SS18: variants seen among roughly 807,000 people sequenced by gnomAD.
The protein encoded by SS18 is SS18 subunit of BAF chromatin remodeling complex, also known as protein SSXT.
SS18 carries 28 observed loss-of-function variants against 72.5 expected under a neutral mutation model. That is an observed-to-expected ratio of 0.39 (90% CI 0.29 to 0.53). The LOEUF (loss-of-function observed/expected upper bound fraction) is 0.53. SS18 is among the 20% of genes least tolerant of loss of function. The probability of loss-of-function intolerance (pLI) is 0.76; values close to 1 mark genes in which losing one functional copy is unlikely to be tolerated. For synonymous variants in SS18, 172 were observed against 164.2 expected (o/e 1.05, Z -0.37); for missense variants, 518 against 535.3 (o/e 0.97, Z 0.32).
At chr18:26,082,900 A>G (rs2054551416) in intron 2 of SS18, among the ~76,000 whole-genome samples, 1 of 152,194 alleles carries the variant, frequency 6.6e-6, no homozygotes, top group Non-Finnish European at 1.5e-5. Flanking sequence ...ACACAGTTTC[A>G]GGCAAAGTTA....
chr18:26,038,721 T>C (rs1418945394), intron 6 of SS18, 62 bp from the exon 7 acceptor site: 7 of 1,370,758 alleles, frequency 5.1e-6, no homozygotes, highest in African/African-American at 1.4e-5. Flanking sequence ...AAAGGCTTTC[T>C]TTCTAATTTG....
intron 3 of SS18, among the ~76,000 whole-genome samples, chr18:26,065,482 C>T (rs1407773657): frequency 2.0e-5 from 3 of 151,762 alleles, no homozygotes; most frequent in Non-Finnish European, 4.4e-5. Context: ...TATCACATGG[C>T]GAAAAGAAGA....
intron 10 of SS18, among the ~76,000 whole-genome samples, chr18:26,021,489 G>C (rs1395518495): frequency 1.3e-5 from 2 of 152,026 alleles, no homozygotes; most frequent in Non-Finnish European, 2.9e-5. Context: ...TAAATCACTT[G>C]AACACTCTAA....
intron 4 of SS18, among the ~76,000 whole-genome samples, chr18:26,055,903 G>A (rs569445335): frequency 1.1e-4 from 17 of 151,914 alleles, no homozygotes; most frequent in African/African-American, 3.9e-4. Flanking sequence ...GATTACAGAC[G>A]TGCAATACCA....
intron 3 of SS18, among the ~76,000 whole-genome samples, chr18:26,062,751 C>G (rs1488804577): frequency 6.6e-6 from 1 of 152,146 alleles, no homozygotes; most frequent in Non-Finnish European, 1.5e-5. Context: ...TACGTTAATA[C>G]TGAATAGCTG....
intron 5 of SS18, among the ~76,000 whole-genome samples, chr18:26,044,682 A>C (rs1385671613): frequency 6.6e-6 from 1 of 152,094 alleles, no homozygotes; most frequent in East Asian, 1.9e-4. Context: ...ACTGATTACT[A>C]AAATCAGAAA....
intron 3 of SS18, among the ~76,000 whole-genome samples, chr18:26,073,752 C>T (rs185390557): frequency 6.6e-6 from 1 of 151,990 alleles, no homozygotes; most frequent in African/African-American, 2.4e-5. Flanking sequence ...TATTCAGTGA[C>T]AAAATGGGAA....
rs567115698 is a variant in SS18 at position 26,071,838 on chromosome 18, A to C, written c.231+6238T>G. 2.0e-5 allele frequency among the ~76,000 whole-genome samples: 3 copies of C among 152,260 alleles called. No individual in the cohort carries two copies. The South Asian group carries it at 6.2e-4, about 32-fold the overall frequency. ...GTGAAACACTGTCTCCAGAGGAAAA[A>C]AAAAAGAATGATGGTGAAATAAAGG... On this transcript the variant is annotated intron_variant, in intron 3 of 10. Coordinates refer to ENST00000415083, the MANE Select transcript of SS18 (RefSeq NM_001007559.3).
At chr18:26,069,685 T>TTG (rs941837554) in intron 3 of SS18, among the ~76,000 whole-genome samples, 2 of 152,156 alleles carry the variant, frequency 1.3e-5, no homozygotes, top group Admixed American at 1.3e-4. Flanking sequence ...AAATGTTTGA[T>TTG]TATACAGAAA....
Position 26,090,517 on chromosome 18 carries a change from G to C in SS18, c.53C>G (p.Pro18Arg). The C allele has an allele frequency of 1.9e-6, 3 of 1,583,066 alleles. No individual in the cohort carries two copies. The highest frequency in any genetic ancestry group is 2.6e-6 in the Non-Finnish European group (3 of 1,164,994). ...PRQRGKGEITPAAIQKMLDDN... is the reference protein window; with the variant it reads ...PRQRGKGEITRAAIQKMLDDN... Reference sequence around the variant, plus strand: ...CGGTTTCACCTTCTGAATCGCAGCGGGAGTGATCTCCCCCTTGCCTCGCTG... The same window carrying C: ...CGGTTTCACCTTCTGAATCGCAGCGCGAGTGATCTCCCCCTTGCCTCGCTG... Residue 18 changes from proline (P) to arginine (R), a missense_variant, in exon 1 of 11, where the codon CCC (proline) becomes CGC (arginine). Physicochemically the swap from Pro to Arg is moderately radical, Grantham distance 103. Coordinates refer to ENST00000415083, the MANE Select transcript of SS18 (RefSeq NM_001007559.3).
chr18:26,035,757 G>A lies in SS18; in HGVS notation c.973+74C>T, dbSNP rs991599654. The A allele has an allele frequency of 1.9e-6, 2 of 1,049,042 alleles. No individual in the cohort carries two copies. Among genetic ancestry groups the A allele is most frequent in the South Asian group, 1.8e-5 (1 of 54,936 alleles). 65.0% of individuals were successfully genotyped at this position (1,049,042 alleles called of 1,614,324 possible). On this transcript the variant is annotated intron_variant, in intron 8 of 10. Coordinates refer to ENST00000415083, the MANE Select transcript of SS18 (RefSeq NM_001007559.3). The surrounding 1 kb of genome is among the most constrained non-coding windows in gnomAD (Gnocchi z 4.4). ...CTACAAGAGCTTTGCATGGGTAGAA[G>A]TTGTCTTATGCAAGAATTTTCATTC...
intron 3 of SS18, among the ~76,000 whole-genome samples, chr18:26,059,084 T>C (rs1390784090): frequency 6.6e-6 from 1 of 152,246 alleles, no homozygotes; most frequent in Non-Finnish European, 1.5e-5. Context: ...GTCATTTTCT[T>C]GTAATTCAAC....
chr18:26,069,407 G>A (rs2054273928), intron 3 of SS18, among the ~76,000 whole-genome samples: 1 of 150,624 alleles, frequency 6.6e-6, no homozygotes, highest in Admixed American at 6.6e-5. Context: ...CCATTTGAAA[G>A]GCAGATAAAT....
At chr18:26,078,791 GCAGGACAACTGCCTGAA>G (rs1225110317) in intron 2 of SS18, among the ~76,000 whole-genome samples, 2 of 152,192 alleles carry the variant, frequency 1.3e-5, no homozygotes, top group Non-Finnish European at 2.9e-5. Context: ...GGAGGCTGAG[GCAGGACAACTGCCTGAA>G]CCCAGGAGGC....
intron 3 of SS18, among the ~76,000 whole-genome samples, chr18:26,073,496 T>C (rs1244549288): frequency 6.6e-6 from 1 of 152,206 alleles, no homozygotes; most frequent in Admixed American, 6.5e-5. Flanking sequence ...CAAAACTATT[T>C]CCATAAGATG....
intron 2 of SS18, among the ~76,000 whole-genome samples, chr18:26,083,456 T>C (rs2054564694): frequency 1.3e-5 from 2 of 152,138 alleles, no homozygotes; most frequent in South Asian, 4.1e-4. Flanking sequence ...ATTTCATCGT[T>C]GTTGTGCAAA....
chr18:26,061,152 A>G (rs2054117786), intron 3 of SS18, among the ~76,000 whole-genome samples: 1 of 152,144 alleles, frequency 6.6e-6, no homozygotes, highest in Non-Finnish European at 1.5e-5. Context: ...TCTCTACTAA[A>G]AATACAAAAA....
intron 5 of SS18, 99 bp from the exon 6 acceptor site, chr18:26,039,555 T>C (rs2053688601): frequency 6.5e-6 from 7 of 1,074,768 alleles, no homozygotes; most frequent in Non-Finnish European, 7.6e-6. Flanking sequence ...CCCAAAAATA[T>C]ATAATTAAAT....
At chr18:26,049,882 A>C (rs568723883) in intron 5 of SS18, among the ~76,000 whole-genome samples, 1 of 151,954 alleles carries the variant, frequency 6.6e-6, no homozygotes, top group African/African-American at 2.4e-5. Flanking sequence ...TGACAATAAC[A>C]TGGGAAAATA....
Sources: gnomAD v4.1 joint callset for allele counts (sites outside exome capture counted in the v4.1 genomes callset) on GRCh38, gnomAD v4.1.1 for gene constraint, Gnocchi (gnomAD v3.1) non-coding constraint, MANE v1.5 for transcripts, NCBI Gene and HGNC (gene_info 2026-07-23, HGNC 2026-07-21) for gene names.